BCAR3: variants seen among roughly 807,000 people sequenced by gnomAD.
BCAR3 encodes breast cancer anti-estrogen resistance protein 3.
BCAR3 carries 37 observed loss-of-function variants against 80.1 expected under a neutral mutation model. That is an observed-to-expected ratio of 0.46 (90% confidence interval 0.36 to 0.61). BCAR3 has a LOEUF of 0.61. BCAR3 is among the 20% of genes least tolerant of loss of function. The pLI, the probability that BCAR3 is intolerant of heterozygous loss-of-function variation, is 0.00. For missense variants in BCAR3, 978 were observed against 1,068.2 expected (o/e 0.92, Z 1.18); for synonymous variants, 389 against 418.9 (o/e 0.93, Z 0.87).
chr1:93,827,777 G>A (rs1415295037), intron 2 of BCAR3, among the ~76,000 whole-genome samples: 1 of 152,034 alleles, frequency 6.6e-6, no homozygotes, highest in Admixed American at 6.6e-5. Context: ...GAAGGAGAAA[G>A]TATGTAGGGG....
At chr1:93,686,137 C>T (rs1396003795), upstream of BCAR3, among the ~76,000 whole-genome samples, 1 of 152,134 alleles carries the variant, frequency 6.6e-6, no homozygotes, top group Admixed American at 6.5e-5. Context: ...GTTGGGGGCA[C>T]TGATCAGAAG....
intron 3 of BCAR3, among the ~76,000 whole-genome samples, chr1:93,601,755 AAAG>A (rs1425820731): frequency 1.3e-5 from 2 of 152,244 alleles, no homozygotes; most frequent in African/African-American, 4.8e-5. Flanking sequence ...GAATAAAGAA[AAAG>A]AAGAAGGAGG....
intron 2 of BCAR3, among the ~76,000 whole-genome samples, chr1:93,660,482 T>C (rs1647598563): frequency 6.6e-6 from 1 of 152,242 alleles, no homozygotes; most frequent in South Asian, 2.1e-4. Context: ...TTTCTATCTG[T>C]TTACCAGGAA....
intron 2 of BCAR3, among the ~76,000 whole-genome samples, chr1:93,725,340 G>C (rs1395342806): frequency 2.0e-5 from 3 of 152,188 alleles, no homozygotes; most frequent in Non-Finnish European, 4.4e-5. Flanking sequence ...ATTACATAGG[G>C]ACTGTGAGGG....
At chr1:93,640,616 CA>C (rs1162126629) in intron 3 of BCAR3, among the ~76,000 whole-genome samples, 11 of 152,218 alleles carry the variant, frequency 7.2e-5, no homozygotes, top group African/African-American at 2.7e-4. Flanking sequence ...CCCAGATAAA[CA>C]GAAGCCACTG....
At chr1:93,664,905 C>A (rs1647828172) in intron 2 of BCAR3, among the ~76,000 whole-genome samples, 1 of 152,178 alleles carries the variant, frequency 6.6e-6, no homozygotes, top group Non-Finnish European at 1.5e-5. Context: ...GCCCTTCCTC[C>A]AATCCCACCA....
chr1:93,844,091 A>C (rs1430985403), intron 2 of BCAR3, among the ~76,000 whole-genome samples: 2 of 152,170 alleles, frequency 1.3e-5, no homozygotes, highest in Non-Finnish European at 2.9e-5. Flanking sequence ...GGCAGGTCAC[A>C]AGGTCAGGAG....
chr1:93,781,055 C>T (rs1852), intron 2 of BCAR3, among the ~76,000 whole-genome samples: 17,301 of 152,192 alleles, frequency 0.11, 1,361 homozygotes, highest in African/African-American at 0.21. Flanking sequence ...ATGTATAGAG[C>T]TGTGGAGTGG....
chr1:93,662,160 C>T (rs954806608), intron 2 of BCAR3, among the ~76,000 whole-genome samples: 2 of 152,334 alleles, frequency 1.3e-5, no homozygotes, highest in South Asian at 4.1e-4. Flanking sequence ...GAGTTAAAAA[C>T]AATTCACCAG....
intron 3 of BCAR3, among the ~76,000 whole-genome samples, chr1:93,607,401 G>A (rs961765295): frequency 1.3e-5 from 2 of 152,014 alleles, no homozygotes; most frequent in Non-Finnish European, 2.9e-5. Flanking sequence ...GAAGGACAAG[G>A]CCTGAAGAGA....
rs1675993958 is a variant in BCAR3 at position 93,641,968 on chromosome 1, AAAT to A, written c.357+333_357+335del. On this transcript the variant is annotated intron_variant, in intron 3 of 11. Coordinates refer to ENST00000260502, the MANE Select transcript of BCAR3 (RefSeq NM_003567.4). Reference sequence around the variant, plus strand: ...TGAATATTCTTACTTGTCACTGTGAAAATAATGAGTGTGATTATGGAGTGCTGA... The same window carrying A: ...TGAATATTCTTACTTGTCACTGTGAAAATGAGTGTGATTATGGAGTGCTGA... Among the ~76,000 whole-genome samples, 3 of 152,354 alleles carry A rather than the reference AAAT, an allele frequency of 2.0e-5. No homozygotes were observed. The South Asian group carries it at 6.2e-4, about 32-fold the overall frequency.
chr1:93,627,815 CA>C (rs944058112), intron 3 of BCAR3, among the ~76,000 whole-genome samples: 8 of 152,248 alleles, frequency 5.3e-5, no homozygotes, highest in African/African-American at 1.9e-4. Flanking sequence ...AGTCTTGAGA[CA>C]AATGAATTTA....
chr1:93,567,751 T>C lies in BCAR3; in HGVS notation c.2075A>G (p.His692Arg), dbSNP rs1673017007. The C allele has an allele frequency of 1.2e-6, 2 of 1,613,958 alleles. No homozygotes were observed. Among genetic ancestry groups the C allele is most frequent in the South Asian group, 1.1e-5 (1 of 91,076 alleles). ...GCCCACGTGCTCACCTCTGCCTTCA[T>C]GCAGGAGTTTGCTGAAGGGCTTCAG... ...KQLKPFSKLL[H>R]EGRESTCVPP... is the part of the protein sequence containing the mutation. Residue 692 changes from histidine to arginine, a missense_variant, in exon 10 of 12, where the codon CAT becomes CGT. Coordinates refer to ENST00000260502, the MANE Select transcript of BCAR3 (RefSeq NM_003567.4).
chr1:93,703,879 C>G (rs559402746), intron 3 of BCAR3, among the ~76,000 whole-genome samples: 1 of 152,158 alleles, frequency 6.6e-6, no homozygotes, highest in Non-Finnish European at 1.5e-5. Context: ...CAGGGAGTGA[C>G]GAGTGCACGA....
chr1:93,704,751 G>T (rs760653146), intron 3 of BCAR3, among the ~76,000 whole-genome samples: 3 of 152,184 alleles, frequency 2.0e-5, no homozygotes, highest in South Asian at 4.1e-4. Context: ...CAAGTCAGGG[G>T]ACTGCCTCAT....
rs750515147 is a variant in BCAR3 at position 93,582,358 on chromosome 1, C to T, written c.1629G>A (p.Leu543=). The part of the protein sequence containing the change: ...ETAMLKRAKE[L]FTNNDPKVIA... ...TGACCTTGGGGTCGTTGTTGGTGAA[C>T]AGTTCTTTTGCACGTTTCAACATTG... The change falls in exon 7 of 12, where the codon CTG becomes CTA. Residue 543 remains leucine, a synonymous_variant. Transcript: ENST00000260502. 8.1e-6 allele frequency: 13 copies of T among 1,614,172 alleles called. No individual in the cohort carries two copies. The highest frequency in any genetic ancestry group is 1.1e-5 in the Non-Finnish European group (13 of 1,180,032).
intron 2 of BCAR3, among the ~76,000 whole-genome samples, chr1:93,805,677 T>C (rs1653632653): frequency 6.6e-6 from 1 of 152,190 alleles, no homozygotes; most frequent in South Asian, 2.1e-4. Flanking sequence ...ATCAGCCTCC[T>C]TATTGCCTCA....
chr1:93,692,859 T>C (rs1571049783), intron 3 of BCAR3, among the ~76,000 whole-genome samples: 1 of 152,182 alleles, frequency 6.6e-6, no homozygotes, highest in East Asian at 1.9e-4. Context: ...TTGCTAGGCA[T>C]TCCATAGATA....
intron 2 of BCAR3, among the ~76,000 whole-genome samples, chr1:93,809,019 T>C (rs1653741258): frequency 6.6e-6 from 1 of 152,100 alleles, no homozygotes; most frequent in Non-Finnish European, 1.5e-5. Flanking sequence ...TGTAACAGGC[T>C]GACAGAGGTT....
Sources: allele counts gnomAD v4.1 joint callset (sites outside exome capture counted in the v4.1 genomes callset), GRCh38; gene constraint gnomAD v4.1.1; transcripts MANE v1.5; gene names NCBI Gene and HGNC (gene_info 2026-07-23, HGNC 2026-07-21).